Variants in MAP4 observed in about 807,000 individuals in gnomAD.
The protein encoded by MAP4 is microtubule associated protein 4.
Under a neutral mutation model 170.2 loss-of-function variants are expected in MAP4, and 76 were observed. The observed-to-expected ratio is 0.45, with a 90% confidence interval of 0.37 to 0.54. The LOEUF is 0.54. Among genes scored for constraint, MAP4 ranks in the 20% least tolerant of loss-of-function variants. The pLI is 0.00. For missense variants in MAP4, 2,506 were observed against 2,748.0 expected (o/e 0.91, Z 1.97); for synonymous variants, 909 against 994.5 (o/e 0.91, Z 1.62).
At chr3:47,969,145 C>G (rs1437539857) in intron 3 of MAP4, among the ~76,000 whole-genome samples, 1 of 152,212 alleles carries the variant, frequency 6.6e-6, no homozygotes, top group Non-Finnish European at 1.5e-5. Context: ...CAGTGGCTCA[C>G]GCCTGTAATC....
chr3:47,868,498 C>T (rs186609075), intron 16 of MAP4, among the ~76,000 whole-genome samples: 2 of 152,286 alleles, frequency 1.3e-5, no homozygotes, highest in Admixed American at 1.3e-4. Context: ...TGAGACTTCC[C>T]ATGCTGGTCC....
Position 47,855,466 on chromosome 3 carries a change from T to G in MAP4, c.6584-106A>C. 1 of 732,442 alleles carries G rather than the reference T, an allele frequency of 1.4e-6. No homozygotes were observed. 45.4% of individuals were successfully genotyped at this position (732,442 alleles called of 1,614,324 possible). On this transcript the variant is annotated intron_variant, in intron 18 of 20. Transcript: ENST00000683076. The surrounding 1 kb of genome is among the most constrained non-coding windows in gnomAD (Gnocchi z 5.1). Reference sequence around the variant, plus strand: ...ATCTAGAAATGAGACAGACGTGACCTGTTCTGGGTGGCAAATGAAGAACAG... The same window carrying G: ...ATCTAGAAATGAGACAGACGTGACCGGTTCTGGGTGGCAAATGAAGAACAG...
At chr3:48,005,809 T>C (rs1043810435) in intron 1 of MAP4, among the ~76,000 whole-genome samples, 3 of 152,204 alleles carry the variant, frequency 2.0e-5, no homozygotes, top group African/African-American at 4.8e-5. Flanking sequence ...AGCCCTGTAA[T>C]TGCTCTTCTC....
intron 1 of MAP4, among the ~76,000 whole-genome samples, chr3:48,063,542 A>G (rs925635286): frequency 6.6e-6 from 1 of 152,196 alleles, no homozygotes; most frequent in African/African-American, 2.4e-5. Flanking sequence ...AAAAACCTAC[A>G]TGTGGACATT....
chr3:47,854,734 AGGCCCC>A (rs2051551084), intron 19 of MAP4, among the ~76,000 whole-genome samples: 1 of 61,182 alleles, frequency 1.6e-5, no homozygotes, highest in Non-Finnish European at 3.0e-5. Context: ...CTGCAGAGGG[AGGCCCC>A]AGGCAGGCCC....
chr3:47,996,951 A>G lies in MAP4; in HGVS notation c.223+1687T>C, dbSNP rs115349850. ...GAGGCAAACAGAAATGCTAGAAATT[A>G]AAAACATAAAAAATGCTAAAGTAGA... On this transcript the variant is annotated intron_variant, in intron 2 of 20. Transcript: ENST00000683076. Among the ~76,000 whole-genome samples, 612 of 152,300 alleles carry G rather than the reference A, an allele frequency of 4.0e-3. 6 individuals carry two copies. Among genetic ancestry groups the G allele is most frequent in the African/African-American group, 0.014 (593 of 41,556 alleles).
intron 3 of MAP4, among the ~76,000 whole-genome samples, chr3:47,953,689 G>A (rs1578241006): frequency 1.3e-5 from 2 of 151,854 alleles, no homozygotes; most frequent in Admixed American, 6.6e-5. Context: ...AAAAAAGCTC[G>A]GAAGATAATC....
At chr3:47,857,388 G>T in intron 18 of MAP4, 43 bp downstream of exon 18, 1 of 1,541,094 alleles carries the variant, frequency 6.5e-7, no homozygotes, top group Non-Finnish European at 9.0e-7. Flanking sequence ...ATGGCAGGAC[G>T]ACATACCCTG....
chr3:47,937,415 C>A (rs1006449717), intron 3 of MAP4, among the ~76,000 whole-genome samples: 1 of 152,114 alleles, frequency 6.6e-6, no homozygotes, highest in Non-Finnish European at 1.5e-5. Context: ...CTTGGATAAA[C>A]GCCTTTTTAA....
At chr3:47,891,345 G>T in intron 10 of MAP4, 2 of 1,536,066 alleles carry the variant, frequency 1.3e-6, no homozygotes, top group Non-Finnish European at 1.7e-6. Flanking sequence ...ATGAAAGGAG[G>T]TATCTCTTTA....
intron 1 of MAP4, among the ~76,000 whole-genome samples, chr3:48,041,149 C>T (rs1224999964): frequency 6.6e-6 from 1 of 152,046 alleles, no homozygotes; most frequent in Non-Finnish European, 1.5e-5. Context: ...TTTGCTCCTG[C>T]TGCCCAGGCT....
intron 1 of MAP4, among the ~76,000 whole-genome samples, chr3:48,067,691 G>A (rs1380017020): frequency 6.7e-6 from 1 of 149,770 alleles, no homozygotes; most frequent in East Asian, 2.0e-4. Flanking sequence ...CCAGGCTGGA[G>A]TGCGGTGGCA....
chr3:47,935,879 C>T lies in MAP4; in HGVS notation c.293-7529G>A, dbSNP rs372037002. Among the ~76,000 whole-genome samples the T allele has an allele frequency of 4.7e-4, 67 of 141,422 alleles. No homozygotes were observed. In the East Asian group the frequency reaches 0.013, roughly 26 times the overall value. 92.8% of individuals were successfully genotyped at this position (141,422 alleles called of 152,430 possible). A position where few individuals can be genotyped will look rare whatever the true frequency, so the allele number is the denominator to read the frequency against. On this transcript the variant is annotated intron_variant, in intron 3 of 20. Transcript: ENST00000683076. ...GCTTGAACCCGGGAGGCAGAGGCTG[C>T]AGTGAGCCGAGATCACACAACTGCA...
At chr3:48,052,749 A>G (rs1283753911) in intron 1 of MAP4, among the ~76,000 whole-genome samples, 2 of 152,222 alleles carry the variant, frequency 1.3e-5, no homozygotes, top group Non-Finnish European at 2.9e-5. Context: ...TTCCAGGATC[A>G]CTAGGAGGAC....
At chr3:47,908,677 T>G (rs1025315773) in intron 9 of MAP4, among the ~76,000 whole-genome samples, 1 of 152,208 alleles carries the variant, frequency 6.6e-6, no homozygotes, top group African/African-American at 2.4e-5. Flanking sequence ...TTATACCAAG[T>G]AATGATTAAA....
rs184153315 is a variant in MAP4 at position 47,957,198 on chromosome 3, C to G, written c.292+20667G>C. 3.2e-4 allele frequency among the ~76,000 whole-genome samples: 48 copies of G among 152,258 alleles called. No homozygotes were observed. In the East Asian group the frequency reaches 8.7e-3, roughly 28 times the overall value. ...TGCTTCTTTTTTTGAGATGAGGTCT[C>G]CCTCTGTCGCCCAGTCTGGAGTGCA... is the stretch of plus-strand genomic sequence containing the variant. On this transcript the variant is annotated intron_variant, in intron 3 of 20. Coordinates refer to ENST00000683076, the MANE Select transcript of MAP4 (RefSeq NM_001385682.1).
At chr3:48,063,937 T>C (rs2100137151) in intron 1 of MAP4, among the ~76,000 whole-genome samples, 2 of 152,140 alleles carry the variant, frequency 1.3e-5, no homozygotes, top group African/African-American at 4.8e-5. Context: ...TTTGCAAAAA[T>C]TATAACTGAG....
chr3:47,959,584 G>A (rs954746899), intron 3 of MAP4, among the ~76,000 whole-genome samples: 2 of 151,732 alleles, frequency 1.3e-5, no homozygotes, highest in Admixed American at 6.6e-5. Context: ...GTGAAACCCC[G>A]TCTCTACTAA....
intron 3 of MAP4, chr3:47,960,610 G>C (rs2100070996): frequency 1.7e-5 from 3 of 180,814 alleles, no homozygotes; most frequent in Admixed American, 1.1e-4. Context: ...TCTATATGTA[G>C]ACAATCTTCA....
Sources: allele counts gnomAD v4.1 joint callset (sites outside exome capture counted in the v4.1 genomes callset), GRCh38; gene constraint gnomAD v4.1.1; non-coding constraint Gnocchi (gnomAD v3.1); transcripts MANE v1.5; gene names NCBI Gene and HGNC (gene_info 2026-07-23, HGNC 2026-07-21).